The following CDYL variants were observed in gnomAD, a reference collection of about 807,000 sequenced individuals.
CDYL encodes the protein chromodomain Y-like protein.
Under a neutral mutation model 47.3 loss-of-function variants are expected in CDYL, and 8 were observed. That is an observed-to-expected ratio of 0.17 (90% confidence interval 0.10 to 0.31). The LOEUF (loss-of-function observed/expected upper bound fraction) is 0.31. Among genes scored for constraint, CDYL ranks in the 10% least tolerant of loss-of-function variants. The probability of loss-of-function intolerance (pLI) is 1.00; values close to 1 mark genes in which losing one functional copy is unlikely to be tolerated. For synonymous variants in CDYL, 266 were observed against 265.0 expected, an observed-to-expected ratio of 1.00 and a Z score of -0.04; for missense variants, 471 against 701.4, an observed-to-expected ratio of 0.67 and a Z score of 3.71.
chr6:4,889,852 C>T (rs998033683), intron 1 of CDYL: 1 of 480,784 alleles, frequency 2.1e-6, no homozygotes, highest in African/African-American at 2.1e-5. Flanking sequence ...AAACGGAGCA[C>T]ACACCTACCG....
chr6:4,754,499 A>T (rs1253648428), intron 3 of CDYL, among the ~76,000 whole-genome samples: 1 of 152,190 alleles, frequency 6.6e-6, no homozygotes. Flanking sequence ...GAGCTGTATC[A>T]TTTGGGTTTT....
intron 2 of CDYL, among the ~76,000 whole-genome samples, chr6:4,896,481 G>T (rs1401754832): frequency 1.3e-5 from 2 of 152,196 alleles, no homozygotes; most frequent in African/African-American, 2.4e-5. Flanking sequence ...GGAAGACAAG[G>T]GTTGTTGTAA....
rs1212742466 is a variant in CDYL at position 4,851,319 on chromosome 6, T to A, written c.25-40394T>A. 2.0e-5 allele frequency among the ~76,000 whole-genome samples: 3 copies of A among 152,182 alleles called. No individual in the cohort carries two copies. In the South Asian group the frequency reaches 6.2e-4, roughly 32 times the overall value. ...TAACCTAGTGCCTGGCATGTAGATATACTAGGTACTTTATTATTATTATCT... is the reference window on the plus strand; with the variant it reads ...TAACCTAGTGCCTGGCATGTAGATAAACTAGGTACTTTATTATTATTATCT... On this transcript the variant is annotated intron_variant, in intron 1 of 6. Transcript: ENST00000397588.
intron 2 of CDYL, among the ~76,000 whole-genome samples, chr6:4,914,510 A>G (rs7775887): frequency 0.73 from 110,992 of 152,094 alleles, 43,508 homozygotes; most frequent in Middle Eastern, 0.87. Flanking sequence ...GACAGTCCAC[A>G]TGGCCCCAGC....
intron 1 of CDYL, among the ~76,000 whole-genome samples, chr6:4,857,554 G>A (rs1342884966): frequency 1.1e-4 from 16 of 152,170 alleles, no homozygotes; most frequent in Admixed American, 1.0e-3. Flanking sequence ...GTAGGCCTTT[G>A]AAGTCCCTTC....
rs1163412177 is a variant in CDYL, at chr6:4,852,803, G to GTTTTTTTGT, written c.25-38908_25-38907insTTTTTGTTT. Among the ~76,000 whole-genome samples, 5 of 147,638 alleles carry GTTTTTTTGT rather than the reference G, an allele frequency of 3.4e-5. No individual in the cohort carries two copies. The East Asian group carries it at 5.8e-4, about 17-fold the overall frequency. On this transcript the variant is annotated intron_variant, in intron 1 of 6. Transcript: ENST00000397588. ...GGAACCCTTTCTCATGGGTTTCTTTGTTCTTTTTTTTTTGAGACAAGGTCT... is the reference window on the plus strand; with the variant it reads ...GGAACCCTTTCTCATGGGTTTCTTTGTTTTTTTGTTTCTTTTTTTTTTGAGACAAGGTCT...
intron 1 of CDYL, among the ~76,000 whole-genome samples, chr6:4,841,607 G>A (rs973798017): frequency 1.3e-5 from 2 of 152,062 alleles, no homozygotes; most frequent in Non-Finnish European, 2.9e-5. Flanking sequence ...TTATCGTTCA[G>A]TTCAAAGAAT....
chr6:4,858,529 C>T (rs1367490857), intron 1 of CDYL, among the ~76,000 whole-genome samples: 4 of 152,228 alleles, frequency 2.6e-5, no homozygotes, highest in Non-Finnish European at 5.9e-5. Flanking sequence ...TGCCCAGAGC[C>T]ACACAGCCCC....
At chr6:4,911,008 T>A (rs182249578) in intron 2 of CDYL, among the ~76,000 whole-genome samples, 3 of 152,240 alleles carry the variant, frequency 2.0e-5, no homozygotes, top group African/African-American at 7.2e-5. Flanking sequence ...TAATCTTTTT[T>A]TTGTATTTTT....
chr6:4,942,172 A>G (rs1056210420), intron 4 of CDYL, among the ~76,000 whole-genome samples: 1 of 152,114 alleles, frequency 6.6e-6, no homozygotes, highest in Non-Finnish European at 1.5e-5. Flanking sequence ...ACTTAGTGCA[A>G]CTCATTCATT....
intron 1 of CDYL, among the ~76,000 whole-genome samples, chr6:4,781,321 A>C (rs185518366): frequency 2.6e-4 from 39 of 152,336 alleles, no homozygotes; most frequent in African/African-American, 7.9e-4. Context: ...CTCAATCTGT[A>C]GTTCAAATGG....
rs200085091 is a variant in CDYL, at chr6:4,860,615, T to G, written c.25-31098T>G. Reference sequence around the variant, plus strand: ...TACATATATATCATATATATTATATTTTGTATCATATTATGTATATTATAT... The same window carrying G: ...TACATATATATCATATATATTATATGTTGTATCATATTATGTATATTATAT... On this transcript the variant is annotated intron_variant, in intron 1 of 6. Coordinates refer to ENST00000397588, the MANE Select transcript of CDYL (RefSeq NM_004824.4). Among the ~76,000 whole-genome samples the G allele has an allele frequency of 8.1e-5, 12 of 147,672 alleles. 1 individual carries two copies. The East Asian group carries it at 1.4e-3, about 17-fold the overall frequency.
intron 2 of CDYL, among the ~76,000 whole-genome samples, chr6:4,931,679 A>C (rs1222927635): frequency 6.6e-6 from 1 of 152,182 alleles, no homozygotes; most frequent in African/African-American, 2.4e-5. Context: ...GTTCAGTGTC[A>C]CATGCCCTAC....
intron 1 of CDYL, among the ~76,000 whole-genome samples, chr6:4,889,310 C>T (rs1761976464): frequency 6.6e-6 from 1 of 152,028 alleles, no homozygotes; most frequent in Non-Finnish European, 1.5e-5. Flanking sequence ...CCGCAACCTC[C>T]ACCTCCTGGT....
At chr6:4,914,535 C>T (rs1412644954) in intron 2 of CDYL, among the ~76,000 whole-genome samples, 1 of 152,202 alleles carries the variant, frequency 6.6e-6, no homozygotes, top group Non-Finnish European at 1.5e-5. Context: ...CTTGCAGCGG[C>T]TCATCTTTCC....
At chr6:4,758,223 C>T (rs1420586249) in intron 3 of CDYL, among the ~76,000 whole-genome samples, 1 of 151,408 alleles carries the variant, frequency 6.6e-6, no homozygotes, top group East Asian at 1.9e-4. Flanking sequence ...CCTGTAGTCC[C>T]AGTTAATTGG....
intron 2 of CDYL, among the ~76,000 whole-genome samples, chr6:4,901,477 A>G (rs991668174): frequency 2.0e-5 from 3 of 152,130 alleles, no homozygotes; most frequent in Non-Finnish European, 2.9e-5. Context: ...CGAGCATGCT[A>G]TTCTGGTGCC....
At chr6:4,708,896 C>T (rs1016974462) in intron 1 of CDYL, among the ~76,000 whole-genome samples, 2 of 152,072 alleles carry the variant, frequency 1.3e-5, no homozygotes, top group Non-Finnish European at 2.9e-5. Context: ...CTCTCAGCTG[C>T]TTGGGAGGCT....
chr6:4,897,869 A>AAC (rs1185284829), intron 2 of CDYL, among the ~76,000 whole-genome samples: 1 of 150,444 alleles, frequency 6.6e-6, no homozygotes, highest in Non-Finnish European at 1.5e-5. Context: ...CATCCTGGCT[A>AAC]ACAGTGAAAC....
Sources: allele counts gnomAD v4.1 joint callset (sites outside exome capture counted in the v4.1 genomes callset), GRCh38; gene constraint gnomAD v4.1.1; transcripts MANE v1.5; gene names NCBI Gene and HGNC (gene_info 2026-07-23, HGNC 2026-07-21).